TAF15: variants seen among roughly 807,000 people sequenced by gnomAD.
The protein encoded by TAF15 is TATA-box binding protein associated factor 15, also known as TATA-binding protein-associated factor 2N.
In TAF15, 37 loss-of-function variants were observed where a neutral mutation model predicts 102.5. That is an observed-to-expected ratio of 0.36 (90% CI 0.28 to 0.47). The LOEUF (loss-of-function observed/expected upper bound fraction) is 0.47, where lower values mean the gene tolerates loss of function less well. Ranked by LOEUF, TAF15 falls within the 20% of genes least tolerant of loss-of-function variation. The pLI is 0.99. For missense variants in TAF15, 652 were observed against 760.7 expected (o/e 0.86, Z 1.68); for synonymous variants, 273 against 259.2 (o/e 1.05, Z -0.51).
At chr17:35,828,492 G>T (rs2087357440) in intron 7 of TAF15, among the ~76,000 whole-genome samples, 1 of 152,162 alleles carries the variant, frequency 6.6e-6, no homozygotes, top group African/African-American at 2.4e-5. Context: ...CTAGCTACTT[G>T]TGAGGCTGAG....
rs778265884 is a variant in TAF15, at chr17:35,820,177, A to G, written c.113A>G (p.Tyr38Cys). Residue 38 changes from tyrosine to cysteine, a missense_variant, in exon 4 of 16, where the codon TAT becomes TGT. Around this residue, in one of 3 missense-constraint regions of TAF15, gnomAD observed 243 missense variants for 284.1 expected, o/e 0.86. Coordinates refer to ENST00000605844, the MANE Select transcript of TAF15 (RefSeq NM_139215.3). ...CCTAAATTTCAGAGCTATTCTGGCTATGGGCAAACGACTGATTCCTCTTAT... is the reference window on the plus strand; with the variant it reads ...CCTAAATTTCAGAGCTATTCTGGCTGTGGGCAAACGACTGATTCCTCTTAT... ...YGQASQSYSGYGQTTDSSYGQ... is the reference protein window; with the variant it reads ...YGQASQSYSGCGQTTDSSYGQ... The G allele has an allele frequency of 6.8e-6, 11 of 1,613,980 alleles. No individual in the cohort carries two copies. Among genetic ancestry groups the G allele is most frequent in the African/African-American group, 2.7e-5 (2 of 74,934 alleles).
At chr17:35,829,428 C>G (rs1021926467) in intron 7 of TAF15, among the ~76,000 whole-genome samples, 1 of 150,096 alleles carries the variant, frequency 6.7e-6, no homozygotes, top group Admixed American at 6.6e-5. Context: ...GTCGGGAGAT[C>G]GAGACCATCC....
At chr17:35,823,732 T>C (rs1383389572) in intron 6 of TAF15, 2 of 267,060 alleles carry the variant, frequency 7.5e-6, no homozygotes, top group South Asian at 7.8e-5. Flanking sequence ...AAAAAAAGAT[T>C]GGGGTCGTGC....
At chr17:35,842,219 A>T in intron 11 of TAF15, 148 bp from the exon 12 acceptor site, 1 of 669,144 alleles carries the variant, frequency 1.5e-6, no homozygotes, top group Non-Finnish European at 2.7e-6. Flanking sequence ...CACTTTTAGC[A>T]CTGTTATCTT....
chr17:35,812,804 A>G (rs933015811), intron 1 of TAF15, among the ~76,000 whole-genome samples: 1 of 152,064 alleles, frequency 6.6e-6, no homozygotes, highest in African/African-American at 2.4e-5. Context: ...TAAAATTGTT[A>G]AAATAAACCT....
At chr17:35,841,977 T>TA (rs1437165363) in intron 11 of TAF15, among the ~76,000 whole-genome samples, 1 of 151,964 alleles carries the variant, frequency 6.6e-6, no homozygotes, top group Non-Finnish European at 1.5e-5. Context: ...AGATTACAGA[T>TA]ATAAGCCACT....
intron 12 of TAF15, among the ~76,000 whole-genome samples, chr17:35,842,757 G>T (rs2087562984): frequency 6.6e-6 from 1 of 152,038 alleles, no homozygotes. Context: ...TTTTGAGATG[G>T]TGTCTCACTC....
chr17:35,836,288 A>G, intron 10 of TAF15, 47 bp downstream of exon 10: 5 of 1,308,812 alleles, frequency 3.8e-6, no homozygotes, highest in Non-Finnish European at 5.5e-6. Flanking sequence ...TAATGTTCTG[A>G]TTACAATACA....
In TAF15 at chr17:35,836,191, G is replaced by A; in HGVS notation, c.733G>A (p.Val245Met). 1 of 1,613,764 alleles carries A rather than the reference G, an allele frequency of 6.2e-7. No homozygotes were observed. Among genetic ancestry groups the A allele is most frequent in the Non-Finnish European group, 8.5e-7 (1 of 1,179,770 alleles). The change falls in exon 10 of 16, where the codon GTG (valine) becomes ATG (methionine). Residue 245 changes from valine (V) to methionine (M), a missense_variant. Physicochemically the swap from Val to Met is conservative, Grantham distance 21. Coordinates refer to ENST00000605844, the MANE Select transcript of TAF15 (RefSeq NM_139215.3). ...CTTTGTGCAAGGACTTGGGGAGGGT[G>A]TGTCTACAGATCAAGTTGGGGAGTT... is the stretch of plus-strand genomic sequence containing the variant. Reference protein sequence around the residue: ...TIFVQGLGEGVSTDQVGEFFK... With the variant: ...TIFVQGLGEGMSTDQVGEFFK...
intron 7 of TAF15, among the ~76,000 whole-genome samples, chr17:35,826,657 A>C (rs540177278): frequency 1.3e-5 from 2 of 151,126 alleles, no homozygotes; most frequent in East Asian, 3.9e-4. Flanking sequence ...TCCCAGGTTC[A>C]AACAGTTCTC....
chr17:35,818,186 C>T (rs566915179), intron 2 of TAF15, among the ~76,000 whole-genome samples: 58 of 152,228 alleles, frequency 3.8e-4, no homozygotes, highest in Middle Eastern at 3.4e-3. Context: ...AGCTCCGCCT[C>T]GCAGGTTCAC....
intron 10 of TAF15, among the ~76,000 whole-genome samples, 198 bp downstream of exon 10, chr17:35,836,439 C>T (rs1199709195): frequency 6.6e-6 from 1 of 152,124 alleles, no homozygotes; most frequent in Non-Finnish European, 1.5e-5. Context: ...GTTTACCTTT[C>T]CACAGTCTAC....
rs2087279335 is a variant in TAF15 at position 35,822,798 on chromosome 17, A to G, written c.449A>G (p.His150Arg). 1.2e-6 allele frequency: 2 copies of G among 1,614,190 alleles called. No homozygotes were observed. Among genetic ancestry groups the G allele is most frequent in the Non-Finnish European group, 1.7e-6 (2 of 1,180,018 alleles). Reference sequence around the variant, plus strand: ...TATAGTCAAAACCAGCAGTCCTATCATTCACAAAGGGAAAACTACAGCCAC... The same window carrying G: ...TATAGTCAAAACCAGCAGTCCTATCGTTCACAAAGGGAAAACTACAGCCAC... ...DSYSQNQQSY[H>R]SQRENYSHHT... Residue 150 changes from histidine (H) to arginine (R), a missense_variant, in exon 6 of 16, where the codon CAT (histidine) becomes CGT (arginine). Coordinates refer to ENST00000605844, the MANE Select transcript of TAF15 (RefSeq NM_139215.3).
At chr17:35,836,390 A>G (rs2087475410) in intron 10 of TAF15, 149 bp downstream of exon 10, 3 of 622,868 alleles carry the variant, frequency 4.8e-6, no homozygotes, top group Non-Finnish European at 8.4e-6. Context: ...GACGTTTGCT[A>G]AATTTGTTGA....
At chr17:35,823,766 C>T in intron 6 of TAF15, 4 of 285,802 alleles carry the variant, frequency 1.4e-5, no homozygotes, top group East Asian at 1.8e-4. Flanking sequence ...TACTAAGGTT[C>T]TTGTAGCTAA....
intron 7 of TAF15, among the ~76,000 whole-genome samples, chr17:35,827,210 C>A (rs1005812671): frequency 6.6e-6 from 1 of 151,826 alleles, no homozygotes; most frequent in Admixed American, 6.6e-5. Context: ...GTGGCGGGCT[C>A]CTGTAGTCCC....
chr17:35,825,981 A>G (rs1384871879), intron 7 of TAF15, among the ~76,000 whole-genome samples: 2 of 151,938 alleles, frequency 1.3e-5, no homozygotes, highest in Admixed American at 6.6e-5. Context: ...AAAAAAATGT[A>G]TTTTCATTTG....
intron 6 of TAF15, 64 bp from the exon 7 acceptor site, chr17:35,824,014 C>T (rs2087295628): frequency 6.2e-7 from 1 of 1,609,198 alleles, no homozygotes; most frequent in Non-Finnish European, 8.5e-7. Context: ...AGCCATTTAA[C>T]ATTGTTATTT....
At chr17:35,834,079 T>TTTTA in intron 8 of TAF15, 138 bp downstream of exon 8, 2 of 563,558 alleles carry the variant, frequency 3.5e-6, no homozygotes, top group South Asian at 4.7e-5. Context: ...AAAAAAAATT[T>TTTTA]TATATATATA....
Sources: gnomAD v4.1 joint callset for allele counts (sites outside exome capture counted in the v4.1 genomes callset) on GRCh38, gnomAD v4.1.1 for gene constraint, gnomAD v4.1.1 regional missense constraint, MANE v1.5 for transcripts, NCBI Gene and HGNC (gene_info 2026-07-23, HGNC 2026-07-21) for gene names.